AARS1: variants seen among roughly 807,000 people sequenced by gnomAD.
The protein encoded by AARS1 is alanine--tRNA ligase, cytoplasmic.
AARS1 carries 72 observed loss-of-function variants against 108.9 expected under a neutral mutation model. The ratio of observed to expected loss-of-function variants is 0.66; its 90% CI spans 0.55 to 0.80. The LOEUF is 0.80. Ranked by LOEUF, AARS1 falls within the 30% of genes least tolerant of loss-of-function variation. AARS1 has a pLI of 0.00. For synonymous variants in AARS1, 489 were observed against 465.7 expected, an observed-to-expected ratio of 1.05 and a Z score of -0.64; for missense variants, 1,193 against 1,233.2, an observed-to-expected ratio of 0.97 and a Z score of 0.49.
chr16:70,262,910 G>C (rs559906597), intron 11 of AARS1, among the ~76,000 whole-genome samples: 1 of 129,644 alleles, frequency 7.7e-6, no homozygotes, highest in South Asian at 2.7e-4. Flanking sequence ...GGAGCTTGCA[G>C]TGAGCCGAGA....
intron 15 of AARS1, 85 bp downstream of exon 15, chr16:70,257,948 G>C: frequency 2.0e-6 from 3 of 1,492,100 alleles, no homozygotes; most frequent in Non-Finnish European, 1.9e-6. Context: ...ACCTTAGACA[G>C]ACAAGAGTTG....
In AARS1 at chr16:70,270,245, G is replaced by T. The variant is rs1165646293; in HGVS notation, c.767C>A (p.Ser256Tyr). Residue 256 changes from serine to tyrosine, a missense_variant, in exon 6 of 21, where the codon TCC becomes TAC. Physicochemically the swap from Ser to Tyr is moderately radical, Grantham distance 144 (BLOSUM62 -2). Transcript: ENST00000261772. ...GACAAAAAGGTCAGTGTCATAGTTG[G>T]ACATCTTATTCTGCAGCACAGATAC... ...RLVSVLQNKM[S>Y]NYDTDLFVPY... 6.2e-7 allele frequency: 1 copy of T among 1,614,034 alleles called. No homozygotes were observed. The highest frequency in any genetic ancestry group is 1.3e-5 in the African/African-American group (1 of 74,910).
At chr16:70,283,649 G>C (rs1485687232) in intron 1 of AARS1, among the ~76,000 whole-genome samples, 1 of 152,192 alleles carries the variant, frequency 6.6e-6, no homozygotes, top group Non-Finnish European at 1.5e-5. Context: ...AGGGTCTCTA[G>C]GTTTGGCCTG....
chr16:70,267,823 A>G lies in AARS1; in HGVS notation c.1072-14T>C. The G allele has an allele frequency of 1.2e-6, 2 of 1,614,156 alleles. No individual in the cohort carries two copies. The highest frequency in any genetic ancestry group is 1.1e-5 in the South Asian group (1 of 91,074). The stretch of plus-strand genomic sequence containing the variant: ...AAATGCATCTCCCTGACAAAGGGGA[A>G]GCAAGATGAGGGGCTGGATGAAGCC... On this transcript the variant is annotated splice_polypyrimidine_tract_variant and intron_variant, in intron 8 of 20. Transcript: ENST00000261772.
intron 5 of AARS1, among the ~76,000 whole-genome samples, chr16:70,271,295 G>C (rs1960395130): frequency 6.6e-6 from 1 of 152,108 alleles, no homozygotes; most frequent in Admixed American, 6.6e-5. Flanking sequence ...TTGGGAGGCT[G>C]AGGCGGGCGG....
intron 20 of AARS1, 120 bp from the exon 21 acceptor site, chr16:70,253,026 G>T (rs2152149523): frequency 8.4e-7 from 1 of 1,191,604 alleles, no homozygotes; most frequent in Non-Finnish European, 1.2e-6. Flanking sequence ...ACTGCTGGAG[G>T]CCGAGACAGA....
chr16:70,254,551 T>C (rs1364011030), intron 17 of AARS1, 70 bp downstream of exon 17: 9 of 1,118,582 alleles, frequency 8.0e-6, no homozygotes, highest in Non-Finnish European at 1.1e-5. Context: ...TGACTACAGA[T>C]GATTTCCTGA....
At position 70,267,658 on chromosome 16, in the gene AARS1, C is replaced by T; in HGVS notation, c.1222+1G>A. On this transcript the variant is annotated splice_donor_variant, in intron 9 of 20. Transcript: ENST00000261772. LOFTEE classifies it high-confidence loss of function. The stretch of plus-strand genomic sequence containing the variant: ...GGAGAAGGGCAAAAACTGGTACCTA[C>T]CGGGAATGGTCTTGCTGTCTCCCAG... 1 of 1,614,138 alleles carries T rather than the reference C, an allele frequency of 6.2e-7. No individual in the cohort carries two copies. The highest frequency in any genetic ancestry group is 8.5e-7 in the Non-Finnish European group (1 of 1,180,034).
At chr16:70,258,908 C>T (rs1459120192) in intron 14 of AARS1, 72 bp downstream of exon 14, 28 of 1,499,828 alleles carry the variant, frequency 1.9e-5, no homozygotes, top group Non-Finnish European at 2.4e-5. Context: ...AGTGAGAGCA[C>T]CGCACTGCTA....
chr16:70,262,326 A>G lies in AARS1; in HGVS notation c.1671+20T>C, dbSNP rs1052350295. 2.5e-6 allele frequency: 4 copies of G among 1,614,090 alleles called. No homozygotes were observed. The highest frequency in any genetic ancestry group is 2.2e-5 in the South Asian group (2 of 91,078). On this transcript the variant is annotated intron_variant, in intron 12 of 20. Coordinates refer to ENST00000261772, the MANE Select transcript of AARS1 (RefSeq NM_001605.3). The stretch of plus-strand genomic sequence containing the variant: ...CACGCCTGGCCCTCCTCGGCTAACA[A>G]GGAAGAACTGTTGGCTCACATCTTC...
At chr16:70,254,545 T>C (rs915806706) in intron 17 of AARS1, 76 bp downstream of exon 17, 34 of 1,069,858 alleles carry the variant, frequency 3.2e-5, no homozygotes, top group Non-Finnish European at 4.5e-5. Context: ...CCTGACTGAC[T>C]ACAGATGATT....
At chr16:70,272,064 G>C in intron 4 of AARS1, 92 bp from the exon 5 acceptor site, 1 of 1,236,514 alleles carries the variant, frequency 8.1e-7, no homozygotes, top group Non-Finnish European at 1.2e-6. Context: ...CTTAGGATTG[G>C]CCGGGCACAG....
At chr16:70,253,417 A>C (rs1401822292) in intron 19 of AARS1, 36 bp from the exon 20 acceptor site, 1 of 1,521,552 alleles carries the variant, frequency 6.6e-7, no homozygotes, top group African/African-American at 1.4e-5. Context: ...ACGGTGCTGG[A>C]GCAGGGACCC....
intron 15 of AARS1, among the ~76,000 whole-genome samples, chr16:70,257,243 C>CAA (rs56734965): frequency 4.5e-5 from 6 of 133,870 alleles, no homozygotes; most frequent in African/African-American, 1.1e-4. Context: ...AACTCCGTCT[C>CAA]AAAAAAAAAA....
At chr16:70,263,947 C>T (rs1960205486) in intron 11 of AARS1, among the ~76,000 whole-genome samples, 1 of 152,004 alleles carries the variant, frequency 6.6e-6, no homozygotes, top group South Asian at 2.1e-4. Context: ...TGTTTCTTAA[C>T]TTTAGAATAC....
At chr16:70,256,633 A>G (rs546325527) in intron 15 of AARS1, among the ~76,000 whole-genome samples, 2 of 152,152 alleles carry the variant, frequency 1.3e-5, no homozygotes, top group Non-Finnish European at 2.9e-5. Context: ...TGTTTCCTGT[A>G]GTCTAAAGGG....
rs1205488739 is a variant in AARS1 at position 70,288,301 on chromosome 16, G to C, written c.-22+1120C>G. Among the ~76,000 whole-genome samples, 3 of 150,360 alleles carry C rather than the reference G, an allele frequency of 2.0e-5. No homozygotes were observed. In the South Asian group the frequency reaches 6.3e-4, roughly 32 times the overall value. ...TATTTTTGTATATTTGGTAGAGATG[G>C]GGTTTCACCGTGTTAGCCAGGATGG... is the stretch of plus-strand genomic sequence containing the variant. On this transcript the variant is annotated intron_variant, in intron 1 of 20. Coordinates refer to ENST00000261772, the MANE Select transcript of AARS1 (RefSeq NM_001605.3).
intron 4 of AARS1, among the ~76,000 whole-genome samples, chr16:70,274,062 G>T (rs576745118): frequency 1.3e-5 from 2 of 151,422 alleles, no homozygotes; most frequent in African/African-American, 4.8e-5. Flanking sequence ...CCAGCTTGGT[G>T]TGGTGGCTCA....
chr16:70,287,397 C>G (rs1456827992), intron 1 of AARS1, among the ~76,000 whole-genome samples: 1 of 151,216 alleles, frequency 6.6e-6, no homozygotes. Flanking sequence ...CATTGCACTC[C>G]AGCCTGGGTG....
Sources: gnomAD v4.1 joint callset for allele counts (sites outside exome capture counted in the v4.1 genomes callset) on GRCh38, gnomAD v4.1.1 for gene constraint, MANE v1.5 for transcripts, NCBI Gene and HGNC (gene_info 2026-07-23, HGNC 2026-07-21) for gene names.